Variants in UGT8 observed in about 807,000 individuals in gnomAD.
UGT8 encodes the protein 2-hydroxyacylsphingosine 1-beta-galactosyltransferase.
UGT8 carries 12 observed loss-of-function variants against 40.5 expected under a neutral mutation model. The observed-to-expected ratio is 0.30, with a 90% CI of 0.19 to 0.48. The LOEUF (loss-of-function observed/expected upper bound fraction) is 0.48, where lower values mean the gene tolerates loss of function less well. UGT8 is among the 20% of genes least tolerant of loss of function. The pLI, the probability that UGT8 is intolerant of heterozygous loss-of-function variation, is 0.99. For synonymous variants in UGT8, 224 were observed against 240.4 expected, an observed-to-expected ratio of 0.93 and a Z score of 0.63; for missense variants, 513 against 648.7, an observed-to-expected ratio of 0.79 and a Z score of 2.27.
intron 4 of UGT8, 103 bp downstream of exon 4, chr4:114,665,859 A>G (rs1401725537): frequency 7.0e-5 from 59 of 848,166 alleles, no homozygotes; most frequent in Non-Finnish European, 1.0e-4. Flanking sequence ...GGTATACGGT[A>G]TGTATGTAGT....
chr4:114,629,027 G>C (rs747258866), intron 2 of UGT8, among the ~76,000 whole-genome samples: 13 of 151,976 alleles, frequency 8.6e-5, no homozygotes, highest in Non-Finnish European at 1.6e-4. Context: ...ATTGAAAGCT[G>C]GTTTCACCAT....
intron 1 of UGT8, among the ~76,000 whole-genome samples, chr4:114,599,188 GA>G (rs1730280433): frequency 6.6e-6 from 1 of 152,148 alleles, no homozygotes; most frequent in African/African-American, 2.4e-5. Context: ...GCTAGGGGTT[GA>G]GGGGGTGTGA....
chr4:114,611,264 C>T (rs1731018183), intron 1 of UGT8, among the ~76,000 whole-genome samples: 1 of 151,636 alleles, frequency 6.6e-6, no homozygotes, highest in Non-Finnish European at 1.5e-5. Context: ...AGAATCAAAA[C>T]AATTAATTTC....
chr4:114,621,890 TATC>T (rs1731814665), intron 1 of UGT8, among the ~76,000 whole-genome samples: 1 of 152,184 alleles, frequency 6.6e-6, no homozygotes, highest in African/African-American at 2.4e-5. Flanking sequence ...TTAGAACAAA[TATC>T]AGGATAATTT....
At chr4:114,599,662 G>A (rs1355573077) in intron 1 of UGT8, among the ~76,000 whole-genome samples, 1 of 152,192 alleles carries the variant, frequency 6.6e-6, no homozygotes, top group Non-Finnish European at 1.5e-5. Flanking sequence ...CCTTGCATTA[G>A]AGAAGCCTGT....
At chr4:114,659,080 A>C (rs1197756029) in intron 2 of UGT8, among the ~76,000 whole-genome samples, 1 of 152,178 alleles carries the variant, frequency 6.6e-6, no homozygotes, top group Non-Finnish European at 1.5e-5. Flanking sequence ...CATTTGGTAT[A>C]TAATTACTCT....
intron 2 of UGT8, among the ~76,000 whole-genome samples, chr4:114,645,564 A>C (rs946770138): frequency 1.2e-4 from 18 of 152,182 alleles, no homozygotes; most frequent in African/African-American, 4.3e-4. Flanking sequence ...AATACCACAA[A>C]TGGTAACTGT....
intron 5 of UGT8, among the ~76,000 whole-genome samples, chr4:114,671,623 A>T (rs1735284010): frequency 6.6e-6 from 1 of 152,222 alleles, no homozygotes; most frequent in African/African-American, 2.4e-5. Flanking sequence ...GGCTAGCCAT[A>T]TGCAGAAAAC....
At position 114,676,627 on chromosome 4, in the gene UGT8, A is replaced by C; in HGVS notation, c.*339A>C. ...AGGAATGGTTTCATTTTTCTTAATA[A>C]TGTGTGTGTGTGTATGTGTGTGTGT... On this transcript the variant is annotated 3_prime_UTR_variant, in exon 6 of 6. Coordinates refer to ENST00000310836, the MANE Select transcript of UGT8 (RefSeq NM_001128174.3). 1 of 220,844 alleles carries C rather than the reference A, an allele frequency of 4.5e-6. No individual in the cohort carries two copies. Among genetic ancestry groups the C allele is most frequent in the Non-Finnish European group, 8.9e-6 (1 of 112,564 alleles). 13.7% of individuals were successfully genotyped at this position (220,844 alleles called of 1,614,324 possible).
intron 2 of UGT8, among the ~76,000 whole-genome samples, chr4:114,660,516 T>G (rs1202869585): frequency 6.6e-6 from 1 of 152,188 alleles, no homozygotes; most frequent in East Asian, 1.9e-4. Flanking sequence ...GTGTTAATCC[T>G]TTATTATGTG....
intron 2 of UGT8, among the ~76,000 whole-genome samples, chr4:114,654,465 A>G (rs1438365385): frequency 1.3e-5 from 2 of 152,068 alleles, no homozygotes; most frequent in Non-Finnish European, 2.9e-5. Context: ...TAGTTGAGGA[A>G]TTCAGACAGA....
intron 2 of UGT8, among the ~76,000 whole-genome samples, chr4:114,648,786 G>C (rs1413537283): frequency 6.6e-6 from 1 of 152,134 alleles, no homozygotes; most frequent in Non-Finnish European, 1.5e-5. Flanking sequence ...TAACTTTGGG[G>C]AATATAATAT....
At chr4:114,667,768 C>T in intron 4 of UGT8, 1 of 514,030 alleles carries the variant, frequency 1.9e-6, no homozygotes. Flanking sequence ...TTTGGCATTT[C>T]TTGCTTTCAT....
At chr4:114,607,156 G>T (rs1307417914) in intron 1 of UGT8, among the ~76,000 whole-genome samples, 1 of 152,128 alleles carries the variant, frequency 6.6e-6, no homozygotes, top group Non-Finnish European at 1.5e-5. Flanking sequence ...TAGCCCTATA[G>T]GTAGTAGCAT....
chr4:114,622,754 T>C, intron 1 of UGT8, 125 bp from the exon 2 acceptor site: 2 of 774,078 alleles, frequency 2.6e-6, no homozygotes, highest in South Asian at 2.2e-5. Context: ...AAGTGTCTGT[T>C]CATGATTTTT....
At chr4:114,661,389 G>A (rs1734525697) in intron 2 of UGT8, among the ~76,000 whole-genome samples, 1 of 152,100 alleles carries the variant, frequency 6.6e-6, no homozygotes, top group African/African-American at 2.4e-5. Context: ...AAAAAATCCT[G>A]TATGTTTATA....
Position 114,623,334 on chromosome 4 carries a change from G to A in UGT8, c.454G>A (p.Gly152Arg), listed in dbSNP as rs111563693. The stretch of plus-strand genomic sequence containing the variant: ...TGGATTTGTGATAGCTCATCTTTTA[G>A]GGGTTAAATATGCTGTATTTTCAAC... ...MCGFVIAHLL[G>R]VKYAVFSTGL... The change falls in exon 2 of 6, where the codon GGG becomes AGG. Residue 152 changes from glycine (G) to arginine (R), a missense_variant. Physicochemically the swap from Gly to Arg is moderately radical, Grantham distance 125. Coordinates refer to ENST00000310836, the MANE Select transcript of UGT8 (RefSeq NM_001128174.3). The A allele has an allele frequency of 3.4e-4, 546 of 1,614,154 alleles. 1 individual carries two copies. The African/African-American group carries it at 5.4e-3, about 16-fold the overall frequency.
intron 2 of UGT8, among the ~76,000 whole-genome samples, chr4:114,640,985 T>G (rs1733188985): frequency 6.6e-6 from 1 of 152,204 alleles, no homozygotes; most frequent in Non-Finnish European, 1.5e-5. Context: ...ATCTCTGATC[T>G]TTGTGGCATT....
intron 2 of UGT8, among the ~76,000 whole-genome samples, chr4:114,629,845 A>AT (rs1252080078): frequency 3.9e-5 from 6 of 152,350 alleles, no homozygotes. Context: ...ATCTGACATG[A>AT]TTTTAACTCC....
Sources: gnomAD v4.1 joint callset for allele counts (sites outside exome capture counted in the v4.1 genomes callset) on GRCh38, gnomAD v4.1.1 for gene constraint, MANE v1.5 for transcripts, NCBI Gene and HGNC (gene_info 2026-07-23, HGNC 2026-07-21) for gene names.